Variants in SCGB2B2 observed in about 807,000 individuals in gnomAD.
SCGB2B2 encodes the protein secretoglobin-like protein.
SCGB2B2 carries 11 observed loss-of-function variants against 7.6 expected under a neutral mutation model. That is an observed-to-expected ratio of 1.45 (90% CI 0.91 to 2.40). The LOEUF is 2.40. Among genes scored for constraint, SCGB2B2 ranks in the 30% most tolerant of loss-of-function variants. SCGB2B2 has a pLI of 0.00. For synonymous variants in SCGB2B2, 50 were observed against 48.6 expected (o/e 1.03, Z -0.12); for missense variants, 104 against 115.4 (o/e 0.90, Z 0.45).
At chr19:34,673,102 A>G (rs761048122) in intron 1 of SCGB2B2, among the ~76,000 whole-genome samples, 11 of 152,216 alleles carry the variant, frequency 7.2e-5, no homozygotes, top group Admixed American at 6.5e-5. Context: ...ATAAATCCCA[A>G]CAGCAAAAAT....
intron 1 of SCGB2B2, among the ~76,000 whole-genome samples, chr19:34,627,687 C>T (rs1340724807): frequency 6.6e-6 from 1 of 152,122 alleles, no homozygotes; most frequent in African/African-American, 2.4e-5. Flanking sequence ...AACAAACATC[C>T]CACTGTCAAC....
chr19:34,658,813 C>CAAAAAAAAAAAA (rs138363297), intron 1 of SCGB2B2, among the ~76,000 whole-genome samples: 1 of 101,980 alleles, frequency 9.8e-6, no homozygotes, highest in African/African-American at 5.2e-5. Context: ...ACAACAACAA[C>CAAAAAAAAAAAA]AAAAAAAAAA....
intron 1 of SCGB2B2, among the ~76,000 whole-genome samples, chr19:34,656,675 G>A (rs544764088): frequency 3.3e-5 from 5 of 151,196 alleles, no homozygotes; most frequent in East Asian, 3.9e-4. Flanking sequence ...GACCACCTAC[G>A]AAAAAAATCT....
At chr19:34,634,560 T>C (rs2066623658) in intron 1 of SCGB2B2, among the ~76,000 whole-genome samples, 1 of 152,098 alleles carries the variant, frequency 6.6e-6, no homozygotes, top group Non-Finnish European at 1.5e-5. Flanking sequence ...ACAAAGCTAC[T>C]TTCAGAGCTT....
intron 1 of SCGB2B2, among the ~76,000 whole-genome samples, chr19:34,674,087 C>T (rs1029490548): frequency 3.9e-5 from 6 of 152,342 alleles, no homozygotes; most frequent in African/African-American, 1.4e-4. Context: ...TCTCTCCACT[C>T]ATGAACTTAA....
At chr19:34,594,445 A>G (rs1454660604) in intron 2 of SCGB2B2, 58 bp downstream of exon 2, 1 of 1,602,650 alleles carries the variant, frequency 6.2e-7, no homozygotes, top group East Asian at 2.2e-5. Context: ...TGGGATGGTG[A>G]TGAGAGTGAA....
rs2146071646 is a variant in SCGB2B2 at position 34,650,161 on chromosome 19, G to C, written c.-2032+25469C>G. On this transcript the variant is annotated intron_variant, in intron 1 of 3. Transcript: ENST00000601241. ...GACTGGAGCAAGAGGTGGAGCGTCT[G>C]ACCCTTGTGGGGTGGTTCAGCTGCT... Among the ~76,000 whole-genome samples, 3 of 151,482 alleles carry C rather than the reference G, an allele frequency of 2.0e-5. No homozygotes were observed. In the South Asian group the frequency reaches 6.2e-4, roughly 31 times the overall value.
At chr19:34,644,329 C>T (rs1039355192) in intron 1 of SCGB2B2, among the ~76,000 whole-genome samples, 2 of 151,100 alleles carry the variant, frequency 1.3e-5, no homozygotes, top group Non-Finnish European at 2.9e-5. Context: ...CCACCTTGCC[C>T]AGCCCCAGCC....
chr19:34,671,010 G>A (rs984130249), intron 1 of SCGB2B2, among the ~76,000 whole-genome samples: 4 of 152,104 alleles, frequency 2.6e-5, no homozygotes, highest in African/African-American at 9.7e-5. Flanking sequence ...TTCAACCTCC[G>A]CCTCCCGGGT....
At chr19:34,627,557 G>C (rs1421075859) in intron 1 of SCGB2B2, among the ~76,000 whole-genome samples, 1 of 152,172 alleles carries the variant, frequency 6.6e-6, no homozygotes, top group Non-Finnish European at 1.5e-5. Context: ...AATTCAACAA[G>C]AAGAGCTAAC....
downstream of SCGB2B2, among the ~76,000 whole-genome samples, chr19:34,587,684 T>G (rs754718895): frequency 2.0e-4 from 30 of 152,190 alleles, no homozygotes; most frequent in South Asian, 8.3e-4. Flanking sequence ...ATACATCGAT[T>G]TATTGTGTTG....
In SCGB2B2 at chr19:34,656,009, T is replaced by C. The variant is rs376245378; in HGVS notation, c.-2032+19621A>G. ...AAGACTAACCCTGTTGGAATAAATA[T>C]ACATCACCTCTACATCCCCCAATTC... On this transcript the variant is annotated intron_variant, in intron 1 of 3. Coordinates refer to ENST00000601241, the MANE Select transcript of SCGB2B2 (RefSeq NM_001025591.4). 2.6e-5 allele frequency among the ~76,000 whole-genome samples: 4 copies of C among 151,284 alleles called. No homozygotes were observed. The South Asian group carries it at 6.2e-4, about 24-fold the overall frequency.
rs188687984 is a variant in SCGB2B2, at chr19:34,656,358, C to T, written c.-2032+19272G>A. On this transcript the variant is annotated intron_variant, in intron 1 of 3. Coordinates refer to ENST00000601241, the MANE Select transcript of SCGB2B2 (RefSeq NM_001025591.4). ...GTGGCTCATGCCTATAGTTCCAGCA[C>T]GCTGGGAGGCCGAGGTGGGCAGATC... Among the ~76,000 whole-genome samples the T allele has an allele frequency of 1.9e-3, 287 of 151,354 alleles. 17 individuals carry two copies. The highest frequency in any genetic ancestry group is 6.0e-3 in the African/African-American group (244 of 40,700).
At chr19:34,647,536 A>G (rs1336054645) in intron 1 of SCGB2B2, among the ~76,000 whole-genome samples, 1 of 151,906 alleles carries the variant, frequency 6.6e-6, no homozygotes, top group Non-Finnish European at 1.5e-5. Context: ...CGGGTCAGAC[A>G]TTTCTGGCCC....
intron 1 of SCGB2B2, among the ~76,000 whole-genome samples, chr19:34,673,404 G>C (rs2146213291): frequency 6.6e-6 from 1 of 152,266 alleles, no homozygotes. Context: ...CTGGAAAAGG[G>C]GTCTCGATCC....
intron 1 of SCGB2B2, among the ~76,000 whole-genome samples, chr19:34,614,261 G>A (rs1185165518): frequency 6.6e-6 from 1 of 151,888 alleles, no homozygotes; most frequent in Non-Finnish European, 1.5e-5. Context: ...TCACCTAGTG[G>A]TGTTGCATAA....
chr19:34,634,508 T>C (rs1478311377), intron 1 of SCGB2B2, among the ~76,000 whole-genome samples: 1 of 151,778 alleles, frequency 6.6e-6, no homozygotes, highest in East Asian at 1.9e-4. Context: ...AGCATGGATG[T>C]CCAGATGTGA....
At chr19:34,647,688 C>G (rs542687555) in intron 1 of SCGB2B2, among the ~76,000 whole-genome samples, 2 of 152,162 alleles carry the variant, frequency 1.3e-5, no homozygotes, top group African/African-American at 2.4e-5. Context: ...GAGCCGGACA[C>G]CCCATGAAGA....
rs1415066200 is a variant in SCGB2B2 at position 34,592,951 on chromosome 19, A to G, written c.*604T>C. ...TCTGCATTGAGGGGTTGTGGGGTAG[A>G]GGTAGGGGGAGAAAAAAGGACAGCT... On this transcript the variant is annotated 3_prime_UTR_variant, in exon 4 of 4. Coordinates refer to ENST00000601241, the MANE Select transcript of SCGB2B2 (RefSeq NM_001025591.4). Among the ~76,000 whole-genome samples the G allele has an allele frequency of 1.3e-5, 2 of 151,960 alleles. No homozygotes were observed. The highest frequency in any genetic ancestry group is 4.8e-5 in the African/African-American group (2 of 41,374).
Sources: gnomAD v4.1 joint callset for allele counts (sites outside exome capture counted in the v4.1 genomes callset) on GRCh38, gnomAD v4.1.1 for gene constraint, MANE v1.5 for transcripts, NCBI Gene and HGNC (gene_info 2026-07-23, HGNC 2026-07-21) for gene names.